Variants in NELL2 observed in about 807,000 individuals in gnomAD.
The protein encoded by NELL2 is neural EGFL like 2.
A neutral mutation model predicts 109.6 loss-of-function variants in NELL2; 41 were observed. That is an observed-to-expected ratio of 0.37 (90% CI 0.29 to 0.49). The LOEUF (loss-of-function observed/expected upper bound fraction) is 0.49. Among genes scored for constraint, NELL2 ranks in the 20% least tolerant of loss-of-function variants. The probability of loss-of-function intolerance (pLI) is 0.98; values close to 1 mark genes in which losing one functional copy is unlikely to be tolerated. For missense variants in NELL2, 900 were observed against 1,008.3 expected (o/e 0.89, Z 1.45); for synonymous variants, 355 against 344.7 (o/e 1.03, Z -0.33).
At chr12:44,604,071 T>C (rs1945310689) in intron 15 of NELL2, among the ~76,000 whole-genome samples, 1 of 152,114 alleles carries the variant, frequency 6.6e-6, no homozygotes, top group East Asian at 1.9e-4. Context: ...CAGTCTTCAC[T>C]GTTAAAGACA....
chr12:44,914,251 T>G (rs1000332448), upstream of NELL2: 2 of 152,722 alleles, frequency 1.3e-5, no homozygotes, highest in African/African-American at 4.8e-5. Context: ...ATCCATGATC[T>G]TGTCCACCTT....
At chr12:44,781,861 A>C (rs1021230150) in intron 3 of NELL2, among the ~76,000 whole-genome samples, 3 of 152,060 alleles carry the variant, frequency 2.0e-5, no homozygotes, top group African/African-American at 7.2e-5. Context: ...AAACTAAGAG[A>C]ATTTATCATG....
In NELL2 at chr12:44,738,079, A is replaced by G. The variant is rs1592429993; in HGVS notation, c.995-23338T>C. Among the ~76,000 whole-genome samples, 3 of 152,302 alleles carry G rather than the reference A, an allele frequency of 2.0e-5. 1 individual carries two copies. In the East Asian group the frequency reaches 5.8e-4, roughly 29 times the overall value. On this transcript the variant is annotated intron_variant, in intron 9 of 19. Transcript: ENST00000429094. ...CTCCCTGATTTCCCAAAATAAAGGAAGTTTTCTCTGCTCTATGAACCCACA... is the reference window on the plus strand; with the variant it reads ...CTCCCTGATTTCCCAAAATAAAGGAGGTTTTCTCTGCTCTATGAACCCACA...
rs117159783 is a variant in NELL2, at chr12:44,696,783, C to T, written c.1318+6943G>A. Among the ~76,000 whole-genome samples the T allele has an allele frequency of 7.7e-3, 1,174 of 152,232 alleles. 13 individuals carry two copies. Among genetic ancestry groups the T allele is most frequent in the Middle Eastern group, 0.017 (5 of 294 alleles). On this transcript the variant is annotated intron_variant, in intron 12 of 19. Coordinates refer to ENST00000429094, the MANE Select transcript of NELL2 (RefSeq NM_001145108.2). ...AGCATATCTAAGCATTTCAAACTAT[C>T]AGTAAACAAATCTTTCTTAGGCTCT...
intron 1 of NELL2, among the ~76,000 whole-genome samples, chr12:44,886,081 TAGTAAGGAAGGAAGGAAGGAAGGAAGGA>T (rs1419563099): frequency 9.3e-6 from 1 of 107,816 alleles, no homozygotes; most frequent in African/African-American, 3.7e-5. Flanking sequence ...AACATCCATA[TAGTAAGGAAGGAAGGAAGGAAGGAAGGA>T]AGGAAGGAAG....
intron 1 of NELL2, among the ~76,000 whole-genome samples, chr12:44,884,622 T>A (rs1358856581): frequency 6.6e-6 from 1 of 151,982 alleles, no homozygotes; most frequent in Non-Finnish European, 1.5e-5. Context: ...TAAATTTACC[T>A]TTGGAACATA....
intron 9 of NELL2, among the ~76,000 whole-genome samples, chr12:44,742,673 G>A (rs112327120): frequency 5.9e-4 from 90 of 152,182 alleles, no homozygotes; most frequent in African/African-American, 2.0e-3. Context: ...CTCAGTAGCC[G>A]ATGCGATCAA....
intron 12 of NELL2, among the ~76,000 whole-genome samples, chr12:44,703,321 CAG>C (rs1315004741): frequency 6.6e-6 from 1 of 152,046 alleles, no homozygotes; most frequent in Admixed American, 6.5e-5. Flanking sequence ...TAGTAGCAAA[CAG>C]AAATAGCAGT....
At chr12:44,821,879 G>A (rs1003771425) in intron 2 of NELL2, among the ~76,000 whole-genome samples, 11 of 147,230 alleles carry the variant, frequency 7.5e-5, no homozygotes, top group African/African-American at 1.8e-4. Flanking sequence ...CACCACGCCC[G>A]GCTGGTTTTA....
chr12:44,736,400 C>T (rs983396662), intron 9 of NELL2, among the ~76,000 whole-genome samples: 1 of 152,040 alleles, frequency 6.6e-6, no homozygotes, highest in Non-Finnish European at 1.5e-5. Context: ...CCCTGCTACA[C>T]AGAAACTGCA....
At chr12:44,729,239 G>C (rs1233730478) in intron 9 of NELL2, among the ~76,000 whole-genome samples, 2 of 151,812 alleles carry the variant, frequency 1.3e-5, no homozygotes, top group African/African-American at 2.4e-5. Context: ...GTAGGGGGAG[G>C]GGAGTAAATA....
chr12:44,915,055 G>A (rs1946730964), upstream of NELL2, among the ~76,000 whole-genome samples: 1 of 152,040 alleles, frequency 6.6e-6, no homozygotes, highest in Non-Finnish European at 1.5e-5. Context: ...GTTTCACCGT[G>A]TTAGCCAGGA....
chr12:44,683,755 T>A lies in NELL2; in HGVS notation c.1319-18146A>T, dbSNP rs1467173671. On this transcript the variant is annotated intron_variant, in intron 12 of 19. Coordinates refer to ENST00000429094, the MANE Select transcript of NELL2 (RefSeq NM_001145108.2). ...TTGCGTATGTTGAAACAGCCTTGCA[T>A]CCCAGGGATGAAGCCCACTTGATCA... Among the ~76,000 whole-genome samples the A allele has an allele frequency of 2.6e-5, 4 of 152,232 alleles. No homozygotes were observed. In the South Asian group the frequency reaches 6.2e-4, roughly 24 times the overall value.
chr12:44,677,086 T>G (rs1948345120), intron 12 of NELL2, among the ~76,000 whole-genome samples: 1 of 151,994 alleles, frequency 6.6e-6, no homozygotes, highest in African/African-American at 2.4e-5. Context: ...CATCTAAGCA[T>G]AGGACTAAAG....
At chr12:44,674,467 G>A (rs576384227) in intron 12 of NELL2, among the ~76,000 whole-genome samples, 13 of 152,226 alleles carry the variant, frequency 8.5e-5, no homozygotes, top group African/African-American at 2.6e-4. Flanking sequence ...TATAATGTAA[G>A]ACCTCATGTT....
At chr12:44,904,737 C>T (rs1945701190) in intron 1 of NELL2, among the ~76,000 whole-genome samples, 1 of 152,076 alleles carries the variant, frequency 6.6e-6, no homozygotes, top group Non-Finnish European at 1.5e-5. Flanking sequence ...AAATGTTACA[C>T]AATTTATTTT....
chr12:44,557,005 A>G (rs1184934370), intron 15 of NELL2, among the ~76,000 whole-genome samples: 4 of 152,158 alleles, frequency 2.6e-5, no homozygotes, highest in Non-Finnish European at 4.4e-5. Context: ...CCTGAAAGCA[A>G]TGTGGAGATG....
rs947734402 is a variant in NELL2, at chr12:44,532,541, A to G, written c.1804+40T>C. The stretch of plus-strand genomic sequence containing the variant: ...GCTTATGATATATTCCTCAAGTTCA[A>G]GAGAAGTTCTTAAATTCTAGGTCTT... On this transcript the variant is annotated intron_variant, in intron 16 of 19. Coordinates refer to ENST00000429094, the MANE Select transcript of NELL2 (RefSeq NM_001145108.2). 4 of 1,591,582 alleles carry G rather than the reference A, an allele frequency of 2.5e-6. No homozygotes were observed. The East Asian group carries it at 6.7e-5, about 27-fold the overall frequency.
intron 3 of NELL2, among the ~76,000 whole-genome samples, chr12:44,782,531 T>G (rs1009997829): frequency 6.6e-6 from 1 of 151,826 alleles, no homozygotes; most frequent in African/African-American, 2.4e-5. Context: ...TCTAGGCAGT[T>G]TGAAAGTAAA....
Sources: gnomAD v4.1 joint callset for allele counts (sites outside exome capture counted in the v4.1 genomes callset) on GRCh38, gnomAD v4.1.1 for gene constraint, MANE v1.5 for transcripts, NCBI Gene and HGNC (gene_info 2026-07-23, HGNC 2026-07-21) for gene names.